Variants in TTC28 observed in about 807,000 individuals in gnomAD.
TTC28 encodes the protein tetratricopeptide repeat domain 28.
In TTC28, 61 loss-of-function variants were observed where a neutral mutation model predicts 198.0. The ratio of observed to expected loss-of-function variants is 0.31; its 90% CI spans 0.25 to 0.38. TTC28 has a LOEUF of 0.38. TTC28 is among the 10% of genes least tolerant of loss of function. The pLI is 1.00. For missense variants in TTC28, 2,678 were observed against 3,164.0 expected (o/e 0.85, Z 3.69); for synonymous variants, 1,171 against 1,297.8 (o/e 0.90, Z 2.10).
At chr22:28,511,903 G>GGCAAAGAT (rs1420558532) in intron 2 of TTC28, among the ~76,000 whole-genome samples, 1 of 151,462 alleles carries the variant, frequency 6.6e-6, no homozygotes, top group Non-Finnish European at 1.5e-5. Flanking sequence ...CATAGGCATG[G>GGCAAAGAT]GCAAAGATTT....
At chr22:28,131,832 C>T (rs1234054942) in intron 6 of TTC28, among the ~76,000 whole-genome samples, 1 of 152,162 alleles carries the variant, frequency 6.6e-6, no homozygotes, top group Non-Finnish European at 1.5e-5. Context: ...TCAGGCTCAA[C>T]AAATGGCTAC....
At chr22:28,129,948 C>T (rs943143683) in intron 6 of TTC28, among the ~76,000 whole-genome samples, 1 of 152,112 alleles carries the variant, frequency 6.6e-6, no homozygotes, top group Non-Finnish European at 1.5e-5. Flanking sequence ...GATCCATGGG[C>T]CACACTTTGA....
At chr22:28,619,188 C>A (rs2050950005) in intron 2 of TTC28, among the ~76,000 whole-genome samples, 1 of 152,170 alleles carries the variant, frequency 6.6e-6, no homozygotes, top group African/African-American at 2.4e-5. Context: ...TTATTACCAT[C>A]ATGATGATCA....
chr22:28,469,069 G>A (rs901740515), intron 2 of TTC28, among the ~76,000 whole-genome samples: 5 of 152,076 alleles, frequency 3.3e-5, no homozygotes, highest in Non-Finnish European at 7.4e-5. Context: ...CCTCCTCAAC[G>A]ACTGTGAAGT....
chr22:28,596,216 T>G (rs1173479641), intron 2 of TTC28, among the ~76,000 whole-genome samples: 2 of 151,974 alleles, frequency 1.3e-5, no homozygotes, highest in African/African-American at 4.8e-5. Flanking sequence ...ATTCCAGGTG[T>G]CAAGTACAAA....
At chr22:28,554,887 A>G (rs1411945928) in intron 2 of TTC28, among the ~76,000 whole-genome samples, 1 of 152,170 alleles carries the variant, frequency 6.6e-6, no homozygotes, top group African/African-American at 2.4e-5. Flanking sequence ...GGAAAAAAAA[A>G]GAAAGAAATA....
At chr22:28,149,215 G>C (rs1423581231) in intron 6 of TTC28, among the ~76,000 whole-genome samples, 1 of 152,184 alleles carries the variant, frequency 6.6e-6, no homozygotes, top group East Asian at 1.9e-4. Context: ...TGTTTTAGCT[G>C]GAAGTCAGAT....
At chr22:28,062,493 A>G (rs1176210461) in intron 12 of TTC28, among the ~76,000 whole-genome samples, 2 of 147,072 alleles carry the variant, frequency 1.4e-5, no homozygotes, top group Non-Finnish European at 3.0e-5. Context: ...TTTTAGAGAC[A>G]GGGTCTCTCT....
intron 2 of TTC28, among the ~76,000 whole-genome samples, chr22:28,468,251 T>A (rs2048051427): frequency 6.6e-6 from 1 of 152,140 alleles, no homozygotes; most frequent in Non-Finnish European, 1.5e-5. Context: ...GCAGCTGATC[T>A]ACAAATGCTG....
intron 6 of TTC28, among the ~76,000 whole-genome samples, chr22:28,152,410 GCTCCC>G (rs1943631736): frequency 2.0e-5 from 3 of 152,034 alleles, no homozygotes; most frequent in African/African-American, 7.3e-5. Flanking sequence ...TCCTAGCATG[GCTCCC>G]ACTCAGATCC....
At chr22:28,594,648 G>A (rs901910944) in intron 2 of TTC28, among the ~76,000 whole-genome samples, 3 of 152,052 alleles carry the variant, frequency 2.0e-5, no homozygotes, top group Admixed American at 6.6e-5. Context: ...AGTATAAAGC[G>A]AGGTGCTCCT....
intron 1 of TTC28, among the ~76,000 whole-genome samples, chr22:28,648,125 G>A (rs2051502026): frequency 6.6e-6 from 1 of 150,632 alleles, no homozygotes; most frequent in Non-Finnish European, 1.5e-5. Flanking sequence ...TTGGGAGGCT[G>A]AGGCAGGAGA....
intron 14 of TTC28, among the ~76,000 whole-genome samples, chr22:28,011,507 G>T (rs1204407528): frequency 6.6e-6 from 1 of 152,180 alleles, no homozygotes; most frequent in African/African-American, 2.4e-5. Flanking sequence ...GAGGTCAGGG[G>T]AGTGCTTGAG....
At chr22:28,499,324 A>C (rs138015128) in intron 2 of TTC28, among the ~76,000 whole-genome samples, 2 of 152,354 alleles carry the variant, frequency 1.3e-5, no homozygotes, top group African/African-American at 2.4e-5. Context: ...TAAAAGAAAA[A>C]GTAAACTTTG....
intron 20 of TTC28, 198 bp from the exon 21 acceptor site, chr22:27,990,205 T>C (rs989268241): frequency 8.7e-6 from 6 of 692,942 alleles, no homozygotes; most frequent in East Asian, 3.3e-5. Context: ...TCATGGGGCA[T>C]TGGGGCAAGA....
intron 2 of TTC28, among the ~76,000 whole-genome samples, chr22:28,389,041 T>C (rs1451769788): frequency 1.3e-5 from 2 of 152,086 alleles, no homozygotes; most frequent in African/African-American, 4.8e-5. Flanking sequence ...ATTGAGAGTT[T>C]TTAGCATGAA....
At chr22:28,332,351 G>T (rs989445163) in intron 2 of TTC28, among the ~76,000 whole-genome samples, 21 of 151,760 alleles carry the variant, frequency 1.4e-4, no homozygotes, top group Admixed American at 1.3e-3. Flanking sequence ...TGACCATAAT[G>T]AAATGAAAAT....
chr22:28,150,211 C>A (rs970586339), intron 6 of TTC28, among the ~76,000 whole-genome samples: 51 of 152,244 alleles, frequency 3.3e-4, no homozygotes, highest in African/African-American at 1.2e-3. Context: ...TGTAACCCTA[C>A]CACTCAGATC....
At chr22:28,149,513 T>C (rs1249120255) in intron 6 of TTC28, among the ~76,000 whole-genome samples, 1 of 152,158 alleles carries the variant, frequency 6.6e-6, no homozygotes, top group Non-Finnish European at 1.5e-5. Context: ...GAAAGACAAA[T>C]ACTATGTGAT....
Sources: allele counts gnomAD v4.1 joint callset (sites outside exome capture counted in the v4.1 genomes callset), GRCh38; gene constraint gnomAD v4.1.1; transcripts MANE v1.5; gene names NCBI Gene and HGNC (gene_info 2026-07-23, HGNC 2026-07-21).